Variants in DNAJC1 observed in about 807,000 individuals in gnomAD.
DNAJC1 encodes dnaJ homolog subfamily C member 1.
In DNAJC1, 58 loss-of-function variants were observed where a neutral mutation model predicts 76.6. That is an observed-to-expected ratio of 0.76 (90% CI 0.61 to 0.94). DNAJC1 has a LOEUF of 0.94. DNAJC1 is among the 40% of genes least tolerant of loss of function. The pLI is 0.00. For synonymous variants in DNAJC1, 258 were observed against 267.9 expected (o/e 0.96, Z 0.36); for missense variants, 689 against 677.3 (o/e 1.02, Z -0.19).
chr10:21,937,311 C>G (rs1400148173), intron 1 of DNAJC1, among the ~76,000 whole-genome samples: 1 of 152,018 alleles, frequency 6.6e-6, no homozygotes, highest in Non-Finnish European at 1.5e-5. Context: ...TAAAAGAGAG[C>G]TGGTAGCTAT....
At chr10:21,923,370 T>C (rs989358681) in intron 3 of DNAJC1, among the ~76,000 whole-genome samples, 3 of 152,018 alleles carry the variant, frequency 2.0e-5, no homozygotes, top group African/African-American at 7.2e-5. Flanking sequence ...CTTACCAAAG[T>C]ACACACAGAC....
intron 9 of DNAJC1, among the ~76,000 whole-genome samples, chr10:21,778,116 G>C (rs1164552357): frequency 6.6e-6 from 1 of 152,174 alleles, no homozygotes; most frequent in Non-Finnish European, 1.5e-5. Context: ...TTGAACCCAG[G>C]AGGCAGAGGT....
At chr10:21,949,864 C>T (rs1352401862) in intron 1 of DNAJC1, among the ~76,000 whole-genome samples, 1 of 151,814 alleles carries the variant, frequency 6.6e-6, no homozygotes, top group South Asian at 2.1e-4. Context: ...TATTTATTGG[C>T]GTGTCATTTT....
intron 6 of DNAJC1, among the ~76,000 whole-genome samples, chr10:21,917,405 T>C (rs1836974580): frequency 6.6e-6 from 1 of 152,118 alleles, no homozygotes; most frequent in Non-Finnish European, 1.5e-5. Context: ...GTGTTTAATA[T>C]TGATATCTTA....
intron 7 of DNAJC1, among the ~76,000 whole-genome samples, chr10:21,899,939 T>C (rs1416520755): frequency 6.6e-6 from 1 of 152,072 alleles, no homozygotes; most frequent in African/African-American, 2.4e-5. Flanking sequence ...TTGCTGTGGG[T>C]GTCAGTGAGT....
At chr10:21,873,063 G>T (rs1836128853) in intron 8 of DNAJC1, among the ~76,000 whole-genome samples, 3 of 152,158 alleles carry the variant, frequency 2.0e-5, no homozygotes, top group African/African-American at 7.2e-5. Context: ...GTCCTGTTCT[G>T]TTCCGTTCTA....
At chr10:21,814,720 T>C (rs1347954553) in intron 8 of DNAJC1, among the ~76,000 whole-genome samples, 1 of 152,182 alleles carries the variant, frequency 6.6e-6, no homozygotes, top group Non-Finnish European at 1.5e-5. Flanking sequence ...TCTTGTATTA[T>C]AGGAAACCAA....
chr10:21,895,161 T>G (rs750769432), intron 7 of DNAJC1, among the ~76,000 whole-genome samples: 4 of 152,224 alleles, frequency 2.6e-5, no homozygotes, highest in Admixed American at 6.5e-5. Flanking sequence ...CAGAATAGCT[T>G]TGAAGTGCAT....
intron 8 of DNAJC1, among the ~76,000 whole-genome samples, chr10:21,833,225 A>T (rs2131670354): frequency 6.6e-6 from 1 of 152,326 alleles, no homozygotes; most frequent in African/African-American, 2.4e-5. Context: ...TAATCCCAGC[A>T]CTTTGGGAGG....
At chr10:21,953,618 C>T (rs1332324239) in intron 1 of DNAJC1, among the ~76,000 whole-genome samples, 1 of 151,346 alleles carries the variant, frequency 6.6e-6, no homozygotes, top group Non-Finnish European at 1.5e-5. Context: ...AGTACTGAAG[C>T]TCCATCTAGA....
chr10:21,934,666 T>C (rs892327506), intron 1 of DNAJC1, among the ~76,000 whole-genome samples: 1 of 152,230 alleles, frequency 6.6e-6, no homozygotes, highest in African/African-American at 2.4e-5. Flanking sequence ...AGTAACATGC[T>C]ACACAGGTTT....
At chr10:21,776,218 G>C (rs1028201042) in intron 9 of DNAJC1, among the ~76,000 whole-genome samples, 7 of 152,122 alleles carry the variant, frequency 4.6e-5, no homozygotes, top group Non-Finnish European at 5.9e-5. Context: ...GCCAGAGCTA[G>C]GATCAGTCAA....
intron 1 of DNAJC1, among the ~76,000 whole-genome samples, chr10:21,989,343 T>C (rs573897139): frequency 5.1e-4 from 77 of 152,240 alleles, no homozygotes; most frequent in African/African-American, 1.8e-3. Context: ...ATGTTAAAAT[T>C]TAAAGAGAGA....
At chr10:21,968,901 C>T (rs1450731978) in intron 1 of DNAJC1, among the ~76,000 whole-genome samples, 1 of 152,030 alleles carries the variant, frequency 6.6e-6, no homozygotes, top group Non-Finnish European at 1.5e-5. Flanking sequence ...TGTTTGTGCA[C>T]AAAACCTGTA....
At chr10:21,876,189 C>A (rs1037280678) in intron 8 of DNAJC1, among the ~76,000 whole-genome samples, 1 of 151,700 alleles carries the variant, frequency 6.6e-6, no homozygotes, top group African/African-American at 2.4e-5. Context: ...CTGCTCACTG[C>A]AACCTCCGAT....
intron 9 of DNAJC1, among the ~76,000 whole-genome samples, chr10:21,794,281 AAAAAG>A (rs1834726657): frequency 6.6e-6 from 1 of 151,674 alleles, no homozygotes; most frequent in Non-Finnish European, 1.5e-5. Flanking sequence ...AAAAAAAAAA[AAAAAG>A]AGAGAGAGAG....
At chr10:21,963,322 G>GT (rs1206766122) in intron 1 of DNAJC1, among the ~76,000 whole-genome samples, 1 of 152,254 alleles carries the variant, frequency 6.6e-6, no homozygotes, top group East Asian at 1.9e-4. Flanking sequence ...CGTTAACACT[G>GT]TAACACCTAC....
intron 8 of DNAJC1, among the ~76,000 whole-genome samples, chr10:21,877,257 G>C (rs1836201240): frequency 6.6e-6 from 1 of 150,898 alleles, no homozygotes; most frequent in Admixed American, 6.6e-5. Flanking sequence ...CTGAGTGACA[G>C]AGTGAGACCT....
intron 1 of DNAJC1, among the ~76,000 whole-genome samples, chr10:21,989,678 T>C (rs1395657217): frequency 2.6e-5 from 4 of 152,142 alleles, no homozygotes; most frequent in Admixed American, 2.6e-4. Context: ...GTATCTGAGA[T>C]GTTAAGAGGC....
Sources: gnomAD v4.1 joint callset for allele counts (sites outside exome capture counted in the v4.1 genomes callset) on GRCh38, gnomAD v4.1.1 for gene constraint, MANE v1.5 for transcripts, NCBI Gene and HGNC (gene_info 2026-07-23, HGNC 2026-07-21) for gene names.